The following ERBB4 variants were observed in gnomAD, a reference collection of about 807,000 sequenced individuals.
ERBB4 encodes the protein erb-b2 receptor tyrosine kinase 4, also known as receptor tyrosine-protein kinase erbB-4.
In ERBB4, 42 loss-of-function variants were observed where a neutral mutation model predicts 158.0. The observed-to-expected ratio is 0.27, with a 90% confidence interval of 0.21 to 0.34. The LOEUF (loss-of-function observed/expected upper bound fraction) is 0.34. Among genes scored for constraint, ERBB4 ranks in the 10% least tolerant of loss-of-function variants. ERBB4 has a pLI of 1.00. For missense variants in ERBB4, 1,333 were observed against 1,624.1 expected, an observed-to-expected ratio of 0.82 and a Z score of 3.08; for synonymous variants, 583 against 558.7, an observed-to-expected ratio of 1.04 and a Z score of -0.61.
chr2:212,056,018 T>TA (rs980602692), intron 2 of ERBB4, among the ~76,000 whole-genome samples: 120 of 152,238 alleles, frequency 7.9e-4, no homozygotes, highest in African/African-American at 2.8e-3. Context: ...GCAAAGAAGC[T>TA]AAAAACCTTG....
At chr2:211,960,357 A>C (rs529074509) in intron 2 of ERBB4, among the ~76,000 whole-genome samples, 2 of 152,252 alleles carry the variant, frequency 1.3e-5, no homozygotes, top group Admixed American at 1.3e-4. Context: ...TATAATCCAT[A>C]AAATACATAT....
chr2:212,498,760 C>G (rs1185539922), intron 1 of ERBB4, among the ~76,000 whole-genome samples: 1 of 152,008 alleles, frequency 6.6e-6, no homozygotes, highest in Non-Finnish European at 1.5e-5. Flanking sequence ...ACCAGTCCAT[C>G]TACAAAAATG....
rs2065532206 is a variant in ERBB4, at chr2:211,498,494, T to G, written c.2487+63409A>C. 3.9e-5 allele frequency among the ~76,000 whole-genome samples: 6 copies of G among 152,134 alleles called. No individual in the cohort carries two copies. In the South Asian group the frequency reaches 1.0e-3, roughly 26 times the overall value. Reference sequence around the variant, plus strand: ...TGCTTATAATTATTTCTAAATATCATCACTGCCAATATATTGTACTAATTT... The same window carrying G: ...TGCTTATAATTATTTCTAAATATCAGCACTGCCAATATATTGTACTAATTT... On this transcript the variant is annotated intron_variant, in intron 20 of 27. Coordinates refer to ENST00000342788, the MANE Select transcript of ERBB4 (RefSeq NM_005235.3).
intron 19 of ERBB4, among the ~76,000 whole-genome samples, chr2:211,577,614 T>C (rs2067930303): frequency 6.6e-6 from 1 of 152,132 alleles, no homozygotes; most frequent in Non-Finnish European, 1.5e-5. Flanking sequence ...TTATCCACCA[T>C]GATCAAACTG....
At chr2:212,417,447 T>G (rs181241148) in intron 1 of ERBB4, among the ~76,000 whole-genome samples, 203 of 152,164 alleles carry the variant, frequency 1.3e-3, no homozygotes, top group Non-Finnish European at 2.1e-3. Context: ...GCGCTGACAT[T>G]ACACTAATAA....
rs141170627 is a variant in ERBB4 at position 212,181,649 on chromosome 2, G to T, written c.83-56746C>A. On this transcript the variant is annotated intron_variant, in intron 1 of 27. Transcript: ENST00000342788. ...GTTATGCTTCATGACTGACAATTAT[G>T]TCATATAAAAAATAAGTCACAATTA... Among the ~76,000 whole-genome samples the T allele has an allele frequency of 4.1e-3, 622 of 151,736 alleles. 6 individuals carry two copies. The highest frequency in any genetic ancestry group is 0.037 in the East Asian group (189 of 5,166).
rs187935165 is a variant in ERBB4, at chr2:212,300,708, T to C, written c.83-175805A>G. On this transcript the variant is annotated intron_variant, in intron 1 of 27. Transcript: ENST00000342788. ...ATTATCTCATGAGATGCTCAAAACA[T>C]AAGGGTGATAGAACTACCTCGATTT... 1.0e-3 allele frequency among the ~76,000 whole-genome samples: 158 copies of C among 151,506 alleles called. 2 individuals are homozygous for C. The highest frequency in any genetic ancestry group is 3.9e-4 in the East Asian group (2 of 5,120).
intron 2 of ERBB4, among the ~76,000 whole-genome samples, chr2:212,109,769 C>A (rs1478923575): frequency 1.3e-5 from 2 of 152,100 alleles, no homozygotes; most frequent in Non-Finnish European, 2.9e-5. Context: ...TCAAACAATT[C>A]AATATTAATA....
At chr2:211,685,398 A>G (rs1359765464) in intron 12 of ERBB4, among the ~76,000 whole-genome samples, 1 of 152,128 alleles carries the variant, frequency 6.6e-6, no homozygotes, top group Non-Finnish European at 1.5e-5. Context: ...CCCTTCCTCT[A>G]ATTAATTGCT....
In ERBB4 at chr2:211,502,117, A is replaced by G. The variant is rs537374086; in HGVS notation, c.2487+59786T>C. ...TGGGATATTACAGCAAGCAGATTGAATAAACTTTCTGGACAGTGTAGTCAC... is the reference window on the plus strand; with the variant it reads ...TGGGATATTACAGCAAGCAGATTGAGTAAACTTTCTGGACAGTGTAGTCAC... On this transcript the variant is annotated intron_variant, in intron 20 of 27. Transcript: ENST00000342788. 9.9e-5 allele frequency among the ~76,000 whole-genome samples: 15 copies of G among 152,266 alleles called. No individual in the cohort carries two copies. In the South Asian group the frequency reaches 3.1e-3, roughly 32 times the overall value.
At chr2:212,145,997 A>G (rs1419617548) in intron 1 of ERBB4, among the ~76,000 whole-genome samples, 1 of 152,002 alleles carries the variant, frequency 6.6e-6, no homozygotes, top group Non-Finnish European at 1.5e-5. Context: ...GGGATAGTCT[A>G]CTTATGCTTC....
At chr2:212,352,355 G>A in intron 1 of ERBB4, among the ~76,000 whole-genome samples, 1 of 149,322 alleles carries the variant, frequency 6.7e-6, no homozygotes, top group Non-Finnish European at 1.5e-5. Flanking sequence ...ATTTTAGATT[G>A]AAAAAAACAA....
intron 19 of ERBB4, among the ~76,000 whole-genome samples, chr2:211,597,964 G>T (rs1355954592): frequency 1.3e-5 from 2 of 152,000 alleles, no homozygotes; most frequent in African/African-American, 4.8e-5. Context: ...ATAAAAACAG[G>T]CAAAAGAATA....
At chr2:212,355,378 T>A (rs545147764) in intron 1 of ERBB4, among the ~76,000 whole-genome samples, 5 of 152,174 alleles carry the variant, frequency 3.3e-5, no homozygotes, top group Admixed American at 1.3e-4. Context: ...GGAAACATGG[T>A]TTGAAGTAAA....
At chr2:212,393,564 A>G (rs2090941198) in intron 1 of ERBB4, among the ~76,000 whole-genome samples, 2 of 152,104 alleles carry the variant, frequency 1.3e-5, no homozygotes, top group Non-Finnish European at 2.9e-5. Context: ...TCACACAATA[A>G]TCTTTGTGAG....
At chr2:211,818,715 AAAC>A (rs2076928805) in intron 3 of ERBB4, among the ~76,000 whole-genome samples, 4 of 152,212 alleles carry the variant, frequency 2.6e-5, no homozygotes, top group Non-Finnish European at 5.9e-5. Context: ...CATTAACTTG[AAAC>A]TATTTTTTCA....
At chr2:212,463,610 G>GA (rs1384645755) in intron 1 of ERBB4, among the ~76,000 whole-genome samples, 14 of 151,602 alleles carry the variant, frequency 9.2e-5, no homozygotes, top group Non-Finnish European at 1.5e-4. Flanking sequence ...GATAGTAAAA[G>GA]AAAAAAAGCC....
At chr2:211,723,813 G>C (rs1345627175) in intron 6 of ERBB4, among the ~76,000 whole-genome samples, 1 of 152,158 alleles carries the variant, frequency 6.6e-6, no homozygotes, top group African/African-American at 2.4e-5. Context: ...ATTTAGCTTT[G>C]CGACAGCATA....
chr2:212,505,191 G>T (rs1461451449), intron 1 of ERBB4, among the ~76,000 whole-genome samples: 1 of 152,144 alleles, frequency 6.6e-6, no homozygotes, highest in East Asian at 1.9e-4. Flanking sequence ...CTGCCTCCCG[G>T]GTTCAAGCGA....
Sources: allele counts gnomAD v4.1 joint callset (sites outside exome capture counted in the v4.1 genomes callset), GRCh38; gene constraint gnomAD v4.1.1; transcripts MANE v1.5; gene names NCBI Gene and HGNC (gene_info 2026-07-23, HGNC 2026-07-21).